Variants in ILRUN observed in about 807,000 individuals in gnomAD.
The protein encoded by ILRUN is protein ILRUN.
A neutral mutation model predicts 33.8 loss-of-function variants in ILRUN; 3 were observed. The observed-to-expected ratio is 0.09, with a 90% CI of 0.04 to 0.23. ILRUN has a LOEUF of 0.23. Ranked by LOEUF, ILRUN falls within the 10% of genes least tolerant of loss-of-function variation. The pLI, the probability that ILRUN is intolerant of heterozygous loss-of-function variation, is 1.00. For synonymous variants in ILRUN, 124 were observed against 138.9 expected (o/e 0.89, Z 0.75); for missense variants, 210 against 375.1 (o/e 0.56, Z 3.64).
At chr6:34,687,778 TAAC>T (rs1427695541) in intron 1 of ILRUN, among the ~76,000 whole-genome samples, 3 of 146,942 alleles carry the variant, frequency 2.0e-5, no homozygotes, top group African/African-American at 7.7e-5. Flanking sequence ...GAAAGAAAAA[TAAC>T]AAGTGTTGGC....
chr6:34,648,536 C>T (rs577973023), intron 2 of ILRUN, among the ~76,000 whole-genome samples: 42 of 152,284 alleles, frequency 2.8e-4, no homozygotes, highest in African/African-American at 9.1e-4. Flanking sequence ...CCTAAGTTAA[C>T]CCTATAAAGG....
intron 4 of ILRUN, among the ~76,000 whole-genome samples, chr6:34,591,710 C>T (rs1256383868): frequency 6.6e-6 from 1 of 152,026 alleles, no homozygotes; most frequent in African/African-American, 2.4e-5. Flanking sequence ...AGGATGGTCT[C>T]GATCTCCTGA....
intron 3 of ILRUN, chr6:34,617,187 C>T: frequency 2.1e-6 from 1 of 487,762 alleles, no homozygotes; most frequent in South Asian, 1.5e-5. Flanking sequence ...AAAAACTACA[C>T]ATTTTGTAGA....
Position 34,668,299 on chromosome 6 carries a change from CAT to C in ILRUN, c.159-13522_159-13521del, listed in dbSNP as rs142822033. On this transcript the variant is annotated intron_variant, in intron 1 of 4. Transcript: ENST00000374023. ...CAAGATAAATTTAAAAATATGTCCA[CAT>C]AGTCTCACAAGTGAAATGTTCACAG... Among the ~76,000 whole-genome samples the C allele has an allele frequency of 1.4e-3, 211 of 152,308 alleles. 3 individuals are homozygous for C. In the East Asian group the frequency reaches 0.036, roughly 26 times the overall value.
At chr6:34,601,710 C>CCCCA (rs1554182774) in intron 4 of ILRUN, among the ~76,000 whole-genome samples, 65 of 148,162 alleles carry the variant, frequency 4.4e-4, no homozygotes, top group African/African-American at 1.6e-3. Flanking sequence ...TACCCGCCCC[C>CCCCA]CCAACTACTG....
chr6:34,650,713 A>C (rs1237569578), intron 2 of ILRUN, among the ~76,000 whole-genome samples: 2 of 152,040 alleles, frequency 1.3e-5, no homozygotes, highest in Non-Finnish European at 2.9e-5. Flanking sequence ...AGCCTCCCAA[A>C]GTAGTGGGAT....
intron 3 of ILRUN, among the ~76,000 whole-genome samples, chr6:34,617,713 A>G (rs1761927323): frequency 6.6e-6 from 1 of 152,084 alleles, no homozygotes; most frequent in Non-Finnish European, 1.5e-5. Context: ...ATCCCTACCC[A>G]TTCTCACTCC....
At chr6:34,633,888 G>A (rs1283950585) in intron 3 of ILRUN, among the ~76,000 whole-genome samples, 7 of 35,572 alleles carry the variant, frequency 2.0e-4, no homozygotes, top group Admixed American at 2.1e-4. Flanking sequence ...AGAGAGGGAG[G>A]GAGGGAGGGA....
At chr6:34,683,608 A>G (rs1374362881) in intron 1 of ILRUN, among the ~76,000 whole-genome samples, 1 of 150,672 alleles carries the variant, frequency 6.6e-6, no homozygotes, top group Non-Finnish European at 1.5e-5. Flanking sequence ...AGAAATTGTT[A>G]GCAGTGGCTA....
chr6:34,686,806 A>C (rs1040723073), intron 1 of ILRUN: 1 of 126,138 alleles, frequency 7.9e-6, no homozygotes, highest in African/African-American at 3.1e-5. Flanking sequence ...AATACAAAAA[A>C]TTAGCTGGGC....
At chr6:34,626,555 A>G (rs946639376) in intron 3 of ILRUN, among the ~76,000 whole-genome samples, 1 of 152,208 alleles carries the variant, frequency 6.6e-6, no homozygotes, top group African/African-American at 2.4e-5. Flanking sequence ...CAACCTGCCT[A>G]TCAACATACT....
At chr6:34,614,938 A>G (rs1377317842) in intron 3 of ILRUN, among the ~76,000 whole-genome samples, 1 of 152,184 alleles carries the variant, frequency 6.6e-6, no homozygotes, top group African/African-American at 2.4e-5. Context: ...GTATTCCTTA[A>G]GACAGTCAAG....
chr6:34,695,377 T>C (rs1298940892), intron 1 of ILRUN, among the ~76,000 whole-genome samples: 1 of 152,236 alleles, frequency 6.6e-6, no homozygotes, highest in Non-Finnish European at 1.5e-5. Context: ...GAAAGTCTAA[T>C]CGTCTCCACT....
chr6:34,618,339 A>T (rs1761941516), intron 3 of ILRUN, among the ~76,000 whole-genome samples: 1 of 152,210 alleles, frequency 6.6e-6, no homozygotes, highest in African/African-American at 2.4e-5. Flanking sequence ...CGTACCAATA[A>T]TGCTTCCAGA....
chr6:34,678,231 G>A (rs183003332), intron 1 of ILRUN, among the ~76,000 whole-genome samples: 1 of 152,178 alleles, frequency 6.6e-6, no homozygotes, highest in African/African-American at 2.4e-5. Context: ...AGTAGAGACG[G>A]GGTTTCACCA....
intron 3 of ILRUN, among the ~76,000 whole-genome samples, chr6:34,637,854 G>GCTA (rs1388333807): frequency 6.9e-5 from 9 of 130,888 alleles, no homozygotes; most frequent in African/African-American, 9.1e-5. Flanking sequence ...TGCTGCTGCT[G>GCTA]CTGCTGCTGC....
At chr6:34,616,872 G>C in intron 3 of ILRUN, 4 of 666,616 alleles carry the variant, frequency 6.0e-6, no homozygotes, top group Non-Finnish European at 8.4e-6. Flanking sequence ...ATCTTTAATG[G>C]AACTTTTGTG....
Position 34,646,543 on chromosome 6 carries a change from G to A in ILRUN, c.511+58C>T. ...GACAGGCTCTGTGAGCAACACTGGG[G>A]ATGTTATAAGATGTTACCTTAGTTC... On this transcript the variant is annotated intron_variant, in intron 3 of 4. Transcript: ENST00000374023. The surrounding 1 kb of genome is among the most constrained non-coding windows in gnomAD (Gnocchi z 4.9). 6.5e-7 allele frequency: 1 copy of A among 1,538,122 alleles called. No individual in the cohort carries two copies. The highest frequency in any genetic ancestry group is 8.9e-7 in the Non-Finnish European group (1 of 1,118,754).
chr6:34,612,679 G>A (rs1761781895), intron 3 of ILRUN, among the ~76,000 whole-genome samples: 1 of 152,092 alleles, frequency 6.6e-6, no homozygotes, highest in African/African-American at 2.4e-5. Flanking sequence ...GGCCAAAGCA[G>A]GTGGATCACT....
Sources: allele counts gnomAD v4.1 joint callset (sites outside exome capture counted in the v4.1 genomes callset), GRCh38; gene constraint gnomAD v4.1.1; non-coding constraint Gnocchi (gnomAD v3.1); transcripts MANE v1.5; gene names NCBI Gene and HGNC (gene_info 2026-07-23, HGNC 2026-07-21).